The following TRIM23 variants were observed in gnomAD, a reference collection of about 807,000 sequenced individuals.
TRIM23 encodes E3 ubiquitin-protein ligase TRIM23.
A neutral mutation model predicts 71.0 loss-of-function variants in TRIM23; 27 were observed. That is an observed-to-expected ratio of 0.38 (90% CI 0.28 to 0.52). TRIM23 has a LOEUF of 0.52. Among genes scored for constraint, TRIM23 ranks in the 20% least tolerant of loss-of-function variants. TRIM23 has a pLI of 0.84. For synonymous variants in TRIM23, 234 were observed against 238.0 expected (o/e 0.98, Z 0.16); for missense variants, 482 against 692.3 (o/e 0.70, Z 3.41).
chr5:65,598,548 G>A (rs1353917010), intron 7 of TRIM23, among the ~76,000 whole-genome samples: 3 of 152,158 alleles, frequency 2.0e-5, no homozygotes, highest in African/African-American at 4.8e-5. Flanking sequence ...TTAGGAGTTC[G>A]AGACCAGCCT....
At position 65,604,907 on chromosome 5, in the gene TRIM23, T is replaced by G. The variant is rs779291511; in HGVS notation, c.1179+4A>C. The G allele has an allele frequency of 3.1e-6, 5 of 1,612,430 alleles. No homozygotes were observed. In the South Asian group the frequency reaches 5.5e-5, roughly 18 times the overall value. On this transcript the variant is annotated splice_donor_region_variant and intron_variant, in intron 7 of 10. Coordinates refer to ENST00000231524, the MANE Select transcript of TRIM23 (RefSeq NM_001656.4). ...ATACCTAAAAATAAAGTACAGTACATTACCTTTGTAAAAGTGACAGGGATG... is the reference window on the plus strand; with the variant it reads ...ATACCTAAAAATAAAGTACAGTACAGTACCTTTGTAAAAGTGACAGGGATG...
At chr5:65,603,118 G>GA (rs1754405529) in intron 7 of TRIM23, among the ~76,000 whole-genome samples, 1 of 152,126 alleles carries the variant, frequency 6.6e-6, no homozygotes, top group Admixed American at 6.5e-5. Flanking sequence ...ATTCATAAGG[G>GA]AAAAATACAA....
At position 65,590,726 on chromosome 5, in the gene TRIM23, A is replaced by C; in HGVS notation, c.*1043T>G. The C allele has an allele frequency of 1.0e-6, 1 of 985,434 alleles. No individual in the cohort carries two copies. Among genetic ancestry groups the C allele is most frequent in the Non-Finnish European group, 1.2e-6 (1 of 829,972 alleles). 61.0% of individuals were successfully genotyped at this position (985,434 alleles called of 1,614,324 possible). On this transcript the variant is annotated 3_prime_UTR_variant, in exon 11 of 11. Transcript: ENST00000231524. ...CATTTTTCCTCTAGAGTAACTTTTCAAGGCCTTCTCATGAACAGCCTTAAG... is the reference window on the plus strand; with the variant it reads ...CATTTTTCCTCTAGAGTAACTTTTCCAGGCCTTCTCATGAACAGCCTTAAG...
At chr5:65,617,965 CTT>C in intron 2 of TRIM23, 126 bp downstream of exon 2, 2 of 1,006,254 alleles carry the variant, frequency 2.0e-6, no homozygotes, top group East Asian at 5.6e-5. Context: ...TTAATAGAAA[CTT>C]AGGCTTTCTG....
chr5:65,616,122 T>C (rs1040265989), intron 2 of TRIM23, among the ~76,000 whole-genome samples: 5 of 152,204 alleles, frequency 3.3e-5, no homozygotes, highest in African/African-American at 1.2e-4. Flanking sequence ...GGAAGTGTAA[T>C]TTCACCATAT....
At position 65,596,981 on chromosome 5, in the gene TRIM23, A is replaced by G. The variant is rs1026473077; in HGVS notation, c.1309+70T>C. The G allele has an allele frequency of 4.4e-6, 7 of 1,578,012 alleles. 1 individual carries two copies. Among genetic ancestry groups the G allele is most frequent in the South Asian group, 3.5e-5 (3 of 85,182 alleles). ...CACCACCATGACAGATCAGTATCAA[A>G]TAAGACCCCAAGAACTTGGCTGTAA... On this transcript the variant is annotated intron_variant, in intron 8 of 10. Transcript: ENST00000231524.
Position 65,611,694 on chromosome 5 carries a change from G to A in TRIM23, c.554C>T (p.Ala185Val), listed in dbSNP as rs747501674. 3.1e-6 allele frequency: 5 copies of A among 1,614,034 alleles called. No individual in the cohort carries two copies. The African/African-American group carries it at 6.7e-5, about 22-fold the overall frequency. ...TTCTTCCAAGCAAACAAACTCAATG[G>A]CATGCACCTGGTGCTGAGAGCACAT... ...KTMCSQHQVH[A>V]IEFVCLEEGC... Residue 185 changes from alanine (A) to valine (V), a missense_variant, in exon 4 of 11, where the codon GCC becomes GTC. By Grantham distance (64) the Ala-to-Val change is moderately conservative. Transcript: ENST00000231524.
At chr5:65,605,806 C>T (rs1046873251) in intron 6 of TRIM23, among the ~76,000 whole-genome samples, 1 of 152,170 alleles carries the variant, frequency 6.6e-6, no homozygotes, top group African/African-American at 2.4e-5. Flanking sequence ...TTTTTGCTCA[C>T]TGTTAGATAC....
intron 1 of TRIM23, among the ~76,000 whole-genome samples, chr5:65,623,467 G>A (rs566517802): frequency 6.6e-6 from 1 of 152,150 alleles, no homozygotes; most frequent in Admixed American, 6.5e-5. Context: ...AACAGTGGAA[G>A]GGAAAAATGA....
At chr5:65,614,764 A>G (rs1053151676) in intron 2 of TRIM23, among the ~76,000 whole-genome samples, 12 of 152,148 alleles carry the variant, frequency 7.9e-5, no homozygotes, top group African/African-American at 2.2e-4. Context: ...CTAAATACAC[A>G]TAAAAAAAAT....
At chr5:65,597,338 C>G (rs1416770442) in intron 7 of TRIM23, among the ~76,000 whole-genome samples, 158 bp from the exon 8 acceptor site, 2 of 150,796 alleles carry the variant, frequency 1.3e-5, no homozygotes, top group Non-Finnish European at 2.9e-5. Flanking sequence ...AGATGAAATC[C>G]TTCCCCATGG....
intron 1 of TRIM23, among the ~76,000 whole-genome samples, chr5:65,622,827 C>A (rs1384657093): frequency 2.0e-5 from 3 of 152,166 alleles, no homozygotes; most frequent in African/African-American, 7.2e-5. Flanking sequence ...GGCTTTGGTA[C>A]ACTTTTGAGA....
rs764699841 is a variant in TRIM23, at chr5:65,609,368, G to C, written c.919C>G (p.Leu307Val). Residue 307 changes from leucine to valine, a missense_variant, in exon 6 of 11, where the codon CTA becomes GTA. Physicochemically the swap from Leu to Val is conservative, Grantham distance 32. This residue lies in a region of TRIM23 where 307 missense variants were observed against 495.8 expected (regional missense o/e 0.62). Coordinates refer to ENST00000231524, the MANE Select transcript of TRIM23 (RefSeq NM_001656.4). Reference protein sequence around the residue: ...ETLCRQEEMALSVVDAHVREK... With the variant: ...ETLCRQEEMAVSVVDAHVREK... Reference sequence around the variant, plus strand: ...CGAACATGAGCATCAACAACACTTAGAGCCATTTCTTCTTGACGACACAGA... The same window carrying C: ...CGAACATGAGCATCAACAACACTTACAGCCATTTCTTCTTGACGACACAGA... The C allele has an allele frequency of 6.8e-6, 11 of 1,613,948 alleles. No homozygotes were observed. The African/African-American group carries it at 1.2e-4, about 18-fold the overall frequency.
At chr5:65,613,896 T>C (rs1214005507) in intron 3 of TRIM23, 7 of 1,483,080 alleles carry the variant, frequency 4.7e-6, no homozygotes, top group Admixed American at 4.4e-5. Context: ...ACATAAAGCA[T>C]AGTTTAGGCA....
chr5:65,602,335 A>C (rs1003242776), intron 7 of TRIM23, among the ~76,000 whole-genome samples: 5 of 152,190 alleles, frequency 3.3e-5, no homozygotes, highest in Admixed American at 6.5e-5. Flanking sequence ...AACAGTAACA[A>C]GAGTCACCTT....
chr5:65,593,240 G>A (rs2150619258), intron 10 of TRIM23, among the ~76,000 whole-genome samples: 1 of 152,228 alleles, frequency 6.6e-6, no homozygotes, highest in Admixed American at 6.5e-5. Context: ...TTTGAGACCA[G>A]CCTGACCAAC....
In TRIM23 at chr5:65,611,829, G is replaced by A. The variant is rs781654212; in HGVS notation, c.419C>T (p.Thr140Ile). The change falls in exon 4 of 11, where the codon ACT becomes ATT. Residue 140 changes from threonine to isoleucine, a missense_variant. Physicochemically the swap from Thr to Ile is moderately conservative, Grantham distance 89 (BLOSUM62 -1). Coordinates refer to ENST00000231524, the MANE Select transcript of TRIM23 (RefSeq NM_001656.4). Reference protein sequence around the residue: ...DEAHLASVYCTVCATHLCSEC... With the variant: ...DEAHLASVYCIVCATHLCSEC... ...AGAGCACAAATGAGTTGCACACACAGTGCAATATACAGAGGCAAGGTGAGC... is the reference window on the plus strand; with the variant it reads ...AGAGCACAAATGAGTTGCACACACAATGCAATATACAGAGGCAAGGTGAGC... 3 of 1,614,176 alleles carry A rather than the reference G, an allele frequency of 1.9e-6. No homozygotes were observed. Among genetic ancestry groups the A allele is most frequent in the Non-Finnish European group, 2.5e-6 (3 of 1,180,020 alleles).
intron 2 of TRIM23, 143 bp from the exon 3 acceptor site, chr5:65,614,362 C>A: frequency 1.3e-6 from 1 of 744,936 alleles, no homozygotes; most frequent in Non-Finnish European, 2.2e-6. Context: ...TTTTTAATAC[C>A]AAAATAATTG....
intron 3 of TRIM23, chr5:65,613,628 A>G (rs993675328): frequency 1.5e-4 from 156 of 1,019,830 alleles, no homozygotes; most frequent in Admixed American, 4.0e-4. Context: ...ACATCTATAC[A>G]AAGTTTAACC....
Sources: gnomAD v4.1 joint callset for allele counts (sites outside exome capture counted in the v4.1 genomes callset) on GRCh38, gnomAD v4.1.1 for gene constraint, gnomAD v4.1.1 regional missense constraint, MANE v1.5 for transcripts, NCBI Gene and HGNC (gene_info 2026-07-23, HGNC 2026-07-21) for gene names.